The following CTXND1 variants were observed in gnomAD, a reference collection of about 807,000 sequenced individuals.
CTXND1 encodes the protein cortexin domain-containing 1 protein.
intron 1 of CTXND1, among the ~76,000 whole-genome samples, chr15:80,208,315 AG>A (rs1567128540): frequency 6.6e-6 from 1 of 152,246 alleles, no homozygotes; most frequent in Non-Finnish European, 1.5e-5. Flanking sequence ...TAAGTGAAAA[AG>A]TAAGTTGATG....
intron 1 of CTXND1, among the ~76,000 whole-genome samples, chr15:80,208,268 T>C (rs1214350322): frequency 6.6e-6 from 1 of 152,246 alleles, no homozygotes; most frequent in Non-Finnish European, 1.5e-5. Context: ...CACACACACA[T>C]ATGCACATAC....
intron 1 of CTXND1, among the ~76,000 whole-genome samples, chr15:80,240,592 G>A (rs897652833): frequency 6.6e-6 from 1 of 150,932 alleles, no homozygotes; most frequent in Non-Finnish European, 1.5e-5. Context: ...AGCCTCTCCC[G>A]AAGACTCTTC....
intron 1 of CTXND1, among the ~76,000 whole-genome samples, chr15:80,228,569 T>C (rs1893396509): frequency 3.9e-5 from 6 of 152,078 alleles, no homozygotes; most frequent in Admixed American, 3.3e-4. Context: ...TCCTCACCTT[T>C]AGCAGGGTGC....
intron 1 of CTXND1, among the ~76,000 whole-genome samples, chr15:80,221,145 G>A (rs1262184057): frequency 1.3e-5 from 2 of 151,948 alleles, no homozygotes; most frequent in Non-Finnish European, 2.9e-5. Context: ...TGCTGACCTC[G>A]TGATCCGCCC....
intron 1 of CTXND1, among the ~76,000 whole-genome samples, chr15:80,236,821 A>G (rs1179028956): frequency 6.6e-6 from 1 of 151,486 alleles, no homozygotes; most frequent in African/African-American, 2.4e-5. Context: ...AAAAATTCCT[A>G]TCACTTAGTG....
chr15:80,251,270 A>G (rs1024312868), intron 1 of CTXND1, among the ~76,000 whole-genome samples: 1 of 152,220 alleles, frequency 6.6e-6, no homozygotes, highest in Non-Finnish European at 1.5e-5. Context: ...ATTCGGCTCC[A>G]TAATACATTC....
chr15:80,223,187 T>C (rs1893335878), intron 1 of CTXND1, among the ~76,000 whole-genome samples: 1 of 152,180 alleles, frequency 6.6e-6, no homozygotes, highest in African/African-American at 2.4e-5. Flanking sequence ...CAAGCGATTC[T>C]CCAGATTATA....
chr15:80,232,741 G>A (rs1437100984), intron 1 of CTXND1, among the ~76,000 whole-genome samples: 2 of 152,078 alleles, frequency 1.3e-5, no homozygotes, highest in African/African-American at 4.8e-5. Flanking sequence ...AAGACAGTCA[G>A]GTAGACTCAG....
chr15:80,248,042 A>T (rs897895857), intron 1 of CTXND1, among the ~76,000 whole-genome samples: 2 of 152,160 alleles, frequency 1.3e-5, no homozygotes, highest in Admixed American at 6.5e-5. Flanking sequence ...TCATCTTGGG[A>T]GCTGAACAGC....
intron 1 of CTXND1, among the ~76,000 whole-genome samples, chr15:80,216,081 G>A (rs574908397): frequency 6.6e-6 from 1 of 152,192 alleles, no homozygotes; most frequent in South Asian, 2.1e-4. Flanking sequence ...GTGTTGACAC[G>A]GAATATTCAA....
At chr15:80,226,958 G>C (rs1313451344) in intron 1 of CTXND1, among the ~76,000 whole-genome samples, 1 of 152,136 alleles carries the variant, frequency 6.6e-6, no homozygotes, top group Non-Finnish European at 1.5e-5. Context: ...TGCCACATGA[G>C]CAGGATTTTT....
chr15:80,202,450 T>C (rs1893089358), intron 2 of CTXND1, among the ~76,000 whole-genome samples: 1 of 152,176 alleles, frequency 6.6e-6, no homozygotes, highest in Non-Finnish European at 1.5e-5. Context: ...GTAATTATTA[T>C]ATTTATACAT....
rs545197332 is a variant in CTXND1 at position 80,199,270 on chromosome 15, C to T, written c.*2500G>A. The T allele has an allele frequency of 2.6e-5, 4 of 152,304 alleles. No homozygotes were observed. The highest frequency in any genetic ancestry group is 4.1e-4 in the South Asian group (2 of 4,820). The allele number at this position is 152,304 out of a possible 1,614,324, so 9.4% of individuals were successfully genotyped here. A position where few individuals can be genotyped will look rare whatever the true frequency, so the allele number is the denominator to read the frequency against. On this transcript the variant is annotated 3_prime_UTR_variant, in exon 3 of 3. Coordinates refer to ENST00000560778, the MANE Select transcript of CTXND1 (RefSeq NM_001352888.2). ...GAATCTTGCTAATATACATTCTGTA[C>T]GTAGGTCTGGAGGGGGCTGTGAGTT...
At chr15:80,219,737 AT>A (rs1893292067) in intron 1 of CTXND1, among the ~76,000 whole-genome samples, 1 of 152,188 alleles carries the variant, frequency 6.6e-6, no homozygotes, top group Admixed American at 6.5e-5. Context: ...TGTGAATGGT[AT>A]GTCATTATGG....
intron 1 of CTXND1, among the ~76,000 whole-genome samples, chr15:80,205,610 A>G (rs1427213331): frequency 6.6e-6 from 1 of 152,152 alleles, no homozygotes; most frequent in Non-Finnish European, 1.5e-5. Context: ...TTCCTTAGAA[A>G]ACTGACTCTC....
chr15:80,251,137 C>T (rs540526523), intron 1 of CTXND1, among the ~76,000 whole-genome samples: 2 of 152,250 alleles, frequency 1.3e-5, no homozygotes, highest in Admixed American at 1.3e-4. Context: ...TCCTGGGTCC[C>T]GAGCCACATC....
intron 1 of CTXND1, among the ~76,000 whole-genome samples, chr15:80,208,790 G>C (rs1376922630): frequency 6.6e-6 from 1 of 152,000 alleles, no homozygotes; most frequent in Admixed American, 6.6e-5. Context: ...TGAAGTGTAG[G>C]GGGAGGAGGA....
At chr15:80,232,131 C>T (rs1250305737) in intron 1 of CTXND1, among the ~76,000 whole-genome samples, 1 of 152,002 alleles carries the variant, frequency 6.6e-6, no homozygotes, top group African/African-American at 2.4e-5. Context: ...CTGTGACAAG[C>T]CTGGAATGCT....
chr15:80,220,916 T>A lies in CTXND1; in HGVS notation c.-217-17176A>T, dbSNP rs1188471478. 6.1e-3 allele frequency among the ~76,000 whole-genome samples: 903 copies of A among 148,344 alleles called. 8 individuals are homozygous for A. The highest frequency in any genetic ancestry group is 0.015 in the African/African-American group (599 of 40,736). Reference sequence around the variant, plus strand: ...TAATTTATTATTATTATTATTATTTTTTTTTTTTTTGAGACAGAGTCTCGC... The same window carrying A: ...TAATTTATTATTATTATTATTATTTATTTTTTTTTTGAGACAGAGTCTCGC... On this transcript the variant is annotated intron_variant, in intron 1 of 2. Transcript: ENST00000560778.
Sources: gnomAD v4.1 joint callset for allele counts (sites outside exome capture counted in the v4.1 genomes callset) on GRCh38, gnomAD v4.1.1 for gene constraint, MANE v1.5 for transcripts, NCBI Gene and HGNC (gene_info 2026-07-23, HGNC 2026-07-21) for gene names.